The following PREX2 variants were observed in gnomAD, a reference collection of about 807,000 sequenced individuals.
The protein encoded by PREX2 is phosphatidylinositol-3,4,5-trisphosphate dependent Rac exchange factor 2.
In PREX2, 107 loss-of-function variants were observed where a neutral mutation model predicts 203.2. The observed-to-expected ratio is 0.53, with a 90% CI of 0.45 to 0.62. The LOEUF (loss-of-function observed/expected upper bound fraction) is 0.62. Ranked by LOEUF, PREX2 falls within the 20% of genes least tolerant of loss-of-function variation. The pLI, the probability that PREX2 is intolerant of heterozygous loss-of-function variation, is 0.00. For synonymous variants in PREX2, 672 were observed against 663.6 expected, an observed-to-expected ratio of 1.01 and a Z score of -0.19; for missense variants, 1,777 against 1,955.9, an observed-to-expected ratio of 0.91 and a Z score of 1.72.
At chr8:68,064,376 G>A (rs1016844219) in intron 11 of PREX2, among the ~76,000 whole-genome samples, 2 of 151,924 alleles carry the variant, frequency 1.3e-5, no homozygotes, top group Non-Finnish European at 2.9e-5. Flanking sequence ...CTTTTGGGGG[G>A]TTGGGGGGCA....
intron 1 of PREX2, among the ~76,000 whole-genome samples, chr8:67,995,100 C>G (rs200944987): frequency 6.6e-6 from 1 of 151,726 alleles, no homozygotes; most frequent in East Asian, 1.9e-4. Context: ...CATGGTGTAC[C>G]TTTATATTCA....
At chr8:67,955,365 C>T (rs1256094227) in intron 1 of PREX2, among the ~76,000 whole-genome samples, 4 of 152,090 alleles carry the variant, frequency 2.6e-5, no homozygotes, top group African/African-American at 9.7e-5. Flanking sequence ...TCTGTAGTTG[C>T]CCCCAGGCAC....
intron 1 of PREX2, among the ~76,000 whole-genome samples, chr8:68,004,381 A>G (rs149032474): frequency 6.6e-6 from 1 of 152,218 alleles, no homozygotes; most frequent in Non-Finnish European, 1.5e-5. Context: ...GGTGACCTTC[A>G]TTATTCTCTC....
At chr8:68,180,871 G>T (rs1265127809) in intron 35 of PREX2, among the ~76,000 whole-genome samples, 2 of 152,040 alleles carry the variant, frequency 1.3e-5, no homozygotes, top group African/African-American at 2.4e-5. Flanking sequence ...TTCTTCAGGA[G>T]AAATTTGAAT....
chr8:68,099,902 A>C (rs1307994179), intron 23 of PREX2, 59 bp downstream of exon 23: 7 of 1,364,110 alleles, frequency 5.1e-6, no homozygotes, highest in Non-Finnish European at 3.1e-6. Context: ...TGAATGTCAA[A>C]TTTAAATCAA....
At chr8:68,070,830 A>C (rs2129611616) in intron 13 of PREX2, among the ~76,000 whole-genome samples, 1 of 152,268 alleles carries the variant, frequency 6.6e-6, no homozygotes, top group South Asian at 2.1e-4. Context: ...CAAAGAGAAC[A>C]CACTGTTTGC....
intron 16 of PREX2, 66 bp from the exon 17 acceptor site, chr8:68,080,680 G>C: frequency 6.9e-7 from 1 of 1,442,266 alleles, no homozygotes; most frequent in South Asian, 1.2e-5. Flanking sequence ...ACATTACTTC[G>C]TTCTGTTTGA....
chr8:67,991,921 G>T (rs1164290269), intron 1 of PREX2, among the ~76,000 whole-genome samples: 1 of 152,170 alleles, frequency 6.6e-6, no homozygotes, highest in South Asian at 2.1e-4. Flanking sequence ...AATCCTTCTC[G>T]ATTTTTAAAT....
intron 30 of PREX2, among the ~76,000 whole-genome samples, chr8:68,126,122 A>T (rs1585813725): frequency 6.6e-6 from 1 of 152,080 alleles, no homozygotes; most frequent in Non-Finnish European, 1.5e-5. Flanking sequence ...ATTGTTAGAT[A>T]ATTGTTATTC....
intron 37 of PREX2, among the ~76,000 whole-genome samples, chr8:68,194,526 G>T (rs908776413): frequency 2.0e-5 from 3 of 151,884 alleles, no homozygotes; most frequent in African/African-American, 7.3e-5. Flanking sequence ...AGTGGCTCAT[G>T]CCTATAATCC....
At chr8:68,085,244 A>G (rs573703210) in intron 18 of PREX2, among the ~76,000 whole-genome samples, 36 of 152,356 alleles carry the variant, frequency 2.4e-4, no homozygotes, top group Admixed American at 7.2e-4. Flanking sequence ...GATGTTATAT[A>G]TGATGCTGTT....
At chr8:68,189,564 T>C (rs547501390) in intron 35 of PREX2, among the ~76,000 whole-genome samples, 1 of 152,204 alleles carries the variant, frequency 6.6e-6, no homozygotes, top group Non-Finnish European at 1.5e-5. Flanking sequence ...ATGGAAATAA[T>C]CCCTCAGTCT....
chr8:67,982,854 G>A (rs62520684), intron 1 of PREX2, among the ~76,000 whole-genome samples: 18,197 of 152,020 alleles, frequency 0.12, 1,298 homozygotes, highest in African/African-American at 0.21. Flanking sequence ...ATGATTTCCC[G>A]CCTTAACATT....
intron 23 of PREX2, among the ~76,000 whole-genome samples, chr8:68,100,427 G>T (rs1810226385): frequency 2.6e-5 from 4 of 152,262 alleles, no homozygotes; most frequent in Admixed American, 2.6e-4. Flanking sequence ...CAAAGTGAGG[G>T]GAATCAAATA....
At chr8:68,135,402 A>G (rs1401943992) in intron 32 of PREX2, among the ~76,000 whole-genome samples, 1 of 152,164 alleles carries the variant, frequency 6.6e-6, no homozygotes, top group African/African-American at 2.4e-5. Flanking sequence ...CAAATAACCA[A>G]TTAAAAAGTA....
intron 9 of PREX2, among the ~76,000 whole-genome samples, chr8:68,055,457 A>G (rs1156835836): frequency 1.0e-5 from 1 of 97,586 alleles, no homozygotes; most frequent in African/African-American, 6.4e-5. Context: ...ATTATATTGC[A>G]TTATTTTTTT....
intron 27 of PREX2, 165 bp downstream of exon 27, chr8:68,118,809 T>C (rs1304728016): frequency 1.3e-6 from 1 of 747,488 alleles, no homozygotes; most frequent in Non-Finnish European, 2.5e-6. Flanking sequence ...CTTGATAGTC[T>C]ATTTCCCAAT....
At chr8:68,114,993 T>TTTTTCTTTTCTTTC (rs1455876973) in intron 25 of PREX2, among the ~76,000 whole-genome samples, 1 of 150,944 alleles carries the variant, frequency 6.6e-6, no homozygotes, top group Non-Finnish European at 1.5e-5. Context: ...GTATTTTCTG[T>TTTTTCTTTTCTTTC]TTTTCTTTTC....
intron 14 of PREX2, 99 bp downstream of exon 14, chr8:68,072,669 AT>A: frequency 1.4e-6 from 1 of 691,710 alleles, no homozygotes; most frequent in Non-Finnish European, 2.5e-6. Flanking sequence ...TGTAGCAGGC[AT>A]TTAAAAAAAG....
Sources: allele counts gnomAD v4.1 joint callset (sites outside exome capture counted in the v4.1 genomes callset), GRCh38; gene constraint gnomAD v4.1.1; transcripts MANE v1.5; gene names NCBI Gene and HGNC (gene_info 2026-07-23, HGNC 2026-07-21).